Variants in PRDM5 observed in about 807,000 individuals in gnomAD.
PRDM5 encodes PR domain zinc finger protein 5.
A neutral mutation model predicts 81.2 loss-of-function variants in PRDM5; 56 were observed. The ratio of observed to expected loss-of-function variants is 0.69; its 90% CI spans 0.56 to 0.86. The LOEUF (loss-of-function observed/expected upper bound fraction) is 0.86, where lower values mean the gene tolerates loss of function less well. Among genes scored for constraint, PRDM5 ranks in the 40% least tolerant of loss-of-function variants. The probability of loss-of-function intolerance (pLI) is 0.00; values close to 1 mark genes in which losing one functional copy is unlikely to be tolerated. For synonymous variants in PRDM5, 267 were observed against 256.4 expected (o/e 1.04, Z -0.39); for missense variants, 697 against 770.1 (o/e 0.91, Z 1.12).
intron 15 of PRDM5, among the ~76,000 whole-genome samples, chr4:120,695,814 A>G (rs2071272557): frequency 6.6e-6 from 1 of 152,156 alleles, no homozygotes; most frequent in South Asian, 2.1e-4. Context: ...ATTAACACAG[A>G]AAATGCAAGG....
At chr4:120,751,906 T>C (rs970506125) in intron 14 of PRDM5, among the ~76,000 whole-genome samples, 2 of 152,230 alleles carry the variant, frequency 1.3e-5, no homozygotes, top group African/African-American at 4.8e-5. Context: ...CTGAATTAGA[T>C]AGCTTATTTT....
chr4:120,816,196 C>G, intron 7 of PRDM5: 1 of 528,440 alleles, frequency 1.9e-6, no homozygotes. Flanking sequence ...ATCTGACCAC[C>G]CAAACATAAC....
intron 2 of PRDM5, among the ~76,000 whole-genome samples, chr4:120,871,756 G>T (rs1761817698): frequency 7.3e-6 from 1 of 136,508 alleles, no homozygotes; most frequent in Admixed American, 7.3e-5. Context: ...CATTAGGGTG[G>T]CTACTGTTTC....
chr4:120,845,203 T>G (rs1277254799), intron 3 of PRDM5, among the ~76,000 whole-genome samples: 3 of 152,208 alleles, frequency 2.0e-5, no homozygotes, highest in Non-Finnish European at 4.4e-5. Flanking sequence ...CTATCTAAGA[T>G]ATTAATAATT....
chr4:120,883,130 A>G (rs1763026952), intron 2 of PRDM5, among the ~76,000 whole-genome samples: 6 of 152,194 alleles, frequency 3.9e-5, no homozygotes, highest in Admixed American at 3.9e-4. Flanking sequence ...AGGAAACATG[A>G]AAAGTTTAAA....
intron 14 of PRDM5, among the ~76,000 whole-genome samples, chr4:120,740,374 C>T (rs1741742666): frequency 6.6e-6 from 1 of 152,172 alleles, no homozygotes; most frequent in Non-Finnish European, 1.5e-5. Flanking sequence ...CTTATCCAGA[C>T]ATAAAAACAG....
chr4:120,720,909 G>A (rs1415383485), intron 14 of PRDM5, among the ~76,000 whole-genome samples: 4 of 152,088 alleles, frequency 2.6e-5, no homozygotes, highest in African/African-American at 9.7e-5. Flanking sequence ...AATTGCACAA[G>A]CAACACATAG....
At position 120,734,143 on chromosome 4, in the gene PRDM5, C is replaced by T. The variant is rs140740283; in HGVS notation, c.1623+20410G>A. Among the ~76,000 whole-genome samples the T allele has an allele frequency of 8.5e-5, 13 of 152,100 alleles. No homozygotes were observed. The East Asian group carries it at 2.3e-3, about 27-fold the overall frequency. On this transcript the variant is annotated intron_variant, in intron 14 of 15. Transcript: ENST00000264808. ...AGGAAGGGGGCACGGGCGGGGCAGA[C>T]GGCAGGCAGCACAGCCAGCCTGGCA...
At chr4:120,760,591 C>A (rs1745461928) in intron 13 of PRDM5, among the ~76,000 whole-genome samples, 1 of 152,080 alleles carries the variant, frequency 6.6e-6, no homozygotes, top group Non-Finnish European at 1.5e-5. Flanking sequence ...TGTGTTGACA[C>A]TGAATAACAC....
chr4:120,814,462 T>G (rs1469455882), intron 7 of PRDM5, among the ~76,000 whole-genome samples: 4 of 152,226 alleles, frequency 2.6e-5, no homozygotes, highest in Admixed American at 1.3e-4. Flanking sequence ...TACTCAACTT[T>G]CAACACGCTG....
chr4:120,794,514 AACACACACACACACACACAC>A (rs70948364), intron 10 of PRDM5, among the ~76,000 whole-genome samples: 6 of 143,614 alleles, frequency 4.2e-5, no homozygotes, highest in African/African-American at 1.3e-4. Flanking sequence ...TCCAAAATCT[AACACACACACACACACACAC>A]ACACACACAC....
chr4:120,809,838 ATTGAGCTAGCAAC>A (rs1036377565), intron 8 of PRDM5, among the ~76,000 whole-genome samples: 1 of 152,214 alleles, frequency 6.6e-6, no homozygotes. Flanking sequence ...GAAGGGCTGC[ATTGAGCTAGCAAC>A]TTATTAACAT....
intron 14 of PRDM5, among the ~76,000 whole-genome samples, chr4:120,745,229 C>A (rs1475370044): frequency 8.0e-6 from 1 of 124,620 alleles, no homozygotes; most frequent in East Asian, 2.4e-4. Flanking sequence ...CAAAATTCAA[C>A]AACCCTTCAT....
intron 13 of PRDM5, among the ~76,000 whole-genome samples, chr4:120,756,812 T>G (rs1222591704): frequency 6.6e-6 from 1 of 152,238 alleles, no homozygotes; most frequent in African/African-American, 2.4e-5. Context: ...TCTTATTTAT[T>G]AACAATGAAA....
intron 3 of PRDM5, among the ~76,000 whole-genome samples, chr4:120,822,400 A>G (rs1381274595): frequency 1.3e-5 from 2 of 152,270 alleles, no homozygotes; most frequent in Non-Finnish European, 2.9e-5. Context: ...ATGAAATTCA[A>G]TAAAGCACAG....
intron 8 of PRDM5, among the ~76,000 whole-genome samples, chr4:120,803,108 T>C (rs915985368): frequency 1.3e-4 from 20 of 152,194 alleles, no homozygotes; most frequent in Non-Finnish European, 2.1e-4. Context: ...AGGGTATCAG[T>C]GATTGAAGAT....
chr4:120,738,607 C>A (rs1052870276), intron 14 of PRDM5, among the ~76,000 whole-genome samples: 1 of 152,072 alleles, frequency 6.6e-6, no homozygotes, highest in African/African-American at 2.4e-5. Context: ...TTTTTTTAAA[C>A]TGAATTGTAA....
intron 8 of PRDM5, among the ~76,000 whole-genome samples, chr4:120,804,018 G>A: frequency 6.6e-6 from 1 of 152,058 alleles, no homozygotes; most frequent in East Asian, 1.9e-4. Flanking sequence ...GATCTACCAA[G>A]CAAATGGAAA....
At chr4:120,880,199 T>A (rs343194) in intron 2 of PRDM5, among the ~76,000 whole-genome samples, 62,769 of 150,384 alleles carry the variant, frequency 0.42, 14,645 homozygotes, top group African/African-American at 0.65. Flanking sequence ...TAATTAAAAC[T>A]CACACACAAA....
Sources: gnomAD v4.1 joint callset for allele counts (sites outside exome capture counted in the v4.1 genomes callset) on GRCh38, gnomAD v4.1.1 for gene constraint, MANE v1.5 for transcripts, NCBI Gene and HGNC (gene_info 2026-07-23, HGNC 2026-07-21) for gene names.